METTL16: variants seen among roughly 807,000 people sequenced by gnomAD.
METTL16 encodes the protein RNA N(6)-adenosine-methyltransferase METTL16.
In METTL16, 19 loss-of-function variants were observed where a neutral mutation model predicts 57.9. That is an observed-to-expected ratio of 0.33 (90% CI 0.23 to 0.48). The LOEUF (loss-of-function observed/expected upper bound fraction) is 0.48, where lower values mean the gene tolerates loss of function less well. Ranked by LOEUF, METTL16 falls within the 20% of genes least tolerant of loss-of-function variation. The pLI is 0.99. For missense variants in METTL16, 434 were observed against 691.5 expected (o/e 0.63, Z 4.18); for synonymous variants, 246 against 255.6 (o/e 0.96, Z 0.36).
chr17:2,453,515 C>T (rs1225895624), intron 6 of METTL16, among the ~76,000 whole-genome samples: 1 of 152,148 alleles, frequency 6.6e-6, no homozygotes, highest in East Asian at 1.9e-4. Flanking sequence ...GCTTGTCCTT[C>T]CAGGTGCGTC....
chr17:2,496,717 C>T (rs560059757), intron 2 of METTL16, among the ~76,000 whole-genome samples: 3 of 151,726 alleles, frequency 2.0e-5, no homozygotes, highest in Non-Finnish European at 2.9e-5. Flanking sequence ...ACCTAATCCC[C>T]AATGCCAACA....
chr17:2,505,749 T>C (rs2067528156), intron 1 of METTL16, among the ~76,000 whole-genome samples: 1 of 151,958 alleles, frequency 6.6e-6, no homozygotes, highest in Non-Finnish European at 1.5e-5. Flanking sequence ...CATCCCTCCT[T>C]CCACCTCGTA....
At chr17:2,485,013 A>G (rs1365550713) in intron 2 of METTL16, among the ~76,000 whole-genome samples, 2 of 152,138 alleles carry the variant, frequency 1.3e-5, no homozygotes, top group African/African-American at 4.8e-5. Context: ...TGGGCCATGG[A>G]CTGATATTGG....
At chr17:2,492,912 A>AAC (rs1555621098) in intron 2 of METTL16, among the ~76,000 whole-genome samples, 7,948 of 143,342 alleles carry the variant, frequency 0.055, 282 homozygotes, top group Non-Finnish European at 0.063. Context: ...AAAAAAAAAA[A>AAC]AAAACAACAA....
intron 2 of METTL16, among the ~76,000 whole-genome samples, chr17:2,494,849 A>G (rs2067430415): frequency 6.6e-6 from 1 of 151,968 alleles, no homozygotes. Flanking sequence ...ATACAAAAAA[A>G]CAGCCAGGCA....
At chr17:2,493,325 A>G (rs924520064) in intron 2 of METTL16, among the ~76,000 whole-genome samples, 14 of 150,992 alleles carry the variant, frequency 9.3e-5, no homozygotes, top group Admixed American at 2.0e-4. Flanking sequence ...TCCTGACCTC[A>G]TGATCCGCCC....
intron 2 of METTL16, among the ~76,000 whole-genome samples, chr17:2,495,121 A>G (rs114389935): frequency 0.027 from 4,115 of 151,184 alleles, 194 homozygotes; most frequent in African/African-American, 0.094. Flanking sequence ...AGGTCGAGAG[A>G]GGCAAATCAC....
intron 7 of METTL16, 37 bp from the exon 8 acceptor site, chr17:2,438,235 A>G (rs767057766): frequency 1.4e-6 from 2 of 1,439,772 alleles, no homozygotes; most frequent in Non-Finnish European, 2.0e-6. Context: ...TCAAACTGCA[A>G]TCATTCTACC....
At chr17:2,502,973 T>G (rs1173704681) in intron 1 of METTL16, among the ~76,000 whole-genome samples, 1 of 152,086 alleles carries the variant, frequency 6.6e-6, no homozygotes, top group South Asian at 2.1e-4. Context: ...TGTGAAGAAA[T>G]TGGAGTTCTC....
chr17:2,424,906 C>T (rs1224103481), intron 8 of METTL16, among the ~76,000 whole-genome samples: 1 of 151,998 alleles, frequency 6.6e-6, no homozygotes, highest in African/African-American at 2.4e-5. Context: ...AGAGATCGCG[C>T]CACTGCACTC....
Position 2,448,801 on chromosome 17 carries a change from TTAA to T in METTL16, c.729-7245_729-7243del, listed in dbSNP as rs1372432349. ...AAAAATAAAAAAATAAAAATAAAAT[TTAA>T]AAAAAAAAAAAAAAAAAAAAAAGAG... On this transcript the variant is annotated intron_variant, in intron 6 of 9. Transcript: ENST00000263092. Among the ~76,000 whole-genome samples, 24 of 47,390 alleles carry T rather than the reference TTAA, an allele frequency of 5.1e-4. 1 individual carries two copies. The highest frequency in any genetic ancestry group is 4.4e-3 in the African/African-American group (23 of 5,270). The allele number at this position is 47,390 out of a possible 152,430, so 31.1% of individuals were successfully genotyped here. A position where few individuals can be genotyped will look rare whatever the true frequency, so the allele number is the denominator to read the frequency against.
intron 8 of METTL16, among the ~76,000 whole-genome samples, chr17:2,422,521 G>A (rs954210152): frequency 2.0e-5 from 3 of 151,632 alleles, no homozygotes; most frequent in African/African-American, 4.8e-5. Flanking sequence ...CTGGGACTAC[G>A]TCACCAAGCC....
chr17:2,509,903 C>T (rs1200124410), intron 1 of METTL16, among the ~76,000 whole-genome samples: 1 of 147,624 alleles, frequency 6.8e-6, no homozygotes, highest in Non-Finnish European at 1.5e-5. Context: ...CAGAGCAACA[C>T]TCCGTCTCAA....
At chr17:2,491,668 G>C (rs1010815302) in intron 2 of METTL16, among the ~76,000 whole-genome samples, 1 of 151,904 alleles carries the variant, frequency 6.6e-6, no homozygotes, top group Non-Finnish European at 1.5e-5. Flanking sequence ...GAGGTCAGGA[G>C]ATGGAGACCA....
At chr17:2,477,930 C>T (rs763608319) in intron 2 of METTL16, 45 bp from the exon 3 acceptor site, 18 of 1,526,530 alleles carry the variant, frequency 1.2e-5, no homozygotes, top group Non-Finnish European at 1.6e-5. Flanking sequence ...GTAAGATTCA[C>T]TATGTTGTAC....
intron 2 of METTL16, among the ~76,000 whole-genome samples, chr17:2,479,224 C>T (rs552837850): frequency 1.3e-4 from 20 of 151,688 alleles, no homozygotes; most frequent in Non-Finnish European, 2.2e-4. Flanking sequence ...CTGGAATGCA[C>T]GGTGTGATCA....
intron 2 of METTL16, among the ~76,000 whole-genome samples, chr17:2,501,556 C>A (rs1247432036): frequency 6.6e-6 from 1 of 152,118 alleles, no homozygotes; most frequent in Non-Finnish European, 1.5e-5. Context: ...AAAATAAACA[C>A]ACACTTATTA....
rs869134753 is a variant in METTL16 at position 2,417,085 on chromosome 17, T to TTTTTTTTTTTTTTTTTTTTTTTA, written c.*2884_*2885insTAAAAAAAAAAAAAAAAAAAAAA. 6 of 138,434 alleles carry TTTTTTTTTTTTTTTTTTTTTTTA rather than the reference T, an allele frequency of 4.3e-5. No homozygotes were observed. The highest frequency in any genetic ancestry group is 1.7e-4 in the African/African-American group (6 of 35,042). The allele number at this position is 138,434 out of a possible 1,614,324, so 8.6% of individuals were successfully genotyped here. A position where few individuals can be genotyped will look rare whatever the true frequency, so the allele number is the denominator to read the frequency against. Reference sequence around the variant, plus strand: ...TTTTTTTTTTTTTTTTTTTTTTTTTTGAGACAGTCCCACTTTGTCGCCCAG... The same window carrying TTTTTTTTTTTTTTTTTTTTTTTA: ...TTTTTTTTTTTTTTTTTTTTTTTTTTTTTTTTTTTTTTTTTTTTTTTTAGAGACAGTCCCACTTTGTCGCCCAG... On this transcript the variant is annotated 3_prime_UTR_variant, in exon 10 of 10. Transcript: ENST00000263092.
At position 2,422,981 on chromosome 17, in the gene METTL16, C is replaced by G. The variant is rs116111647; in HGVS notation, c.889-2077G>C. Among the ~76,000 whole-genome samples, 359 of 152,088 alleles carry G rather than the reference C, an allele frequency of 2.4e-3. 2 individuals carry two copies. The highest frequency in any genetic ancestry group is 8.4e-3 in the African/African-American group (349 of 41,466). On this transcript the variant is annotated intron_variant, in intron 8 of 9. Coordinates refer to ENST00000263092, the MANE Select transcript of METTL16 (RefSeq NM_024086.4). The stretch of plus-strand genomic sequence containing the variant: ...CTGGAGACAGAAGGAGACTGTGTCT[C>G]AAAAACAACAACAACAAAAAGGATA...
Sources: allele counts gnomAD v4.1 joint callset (sites outside exome capture counted in the v4.1 genomes callset), GRCh38; gene constraint gnomAD v4.1.1; transcripts MANE v1.5; gene names NCBI Gene and HGNC (gene_info 2026-07-23, HGNC 2026-07-21).